The following CLCA2 variants were observed in gnomAD, a reference collection of about 807,000 sequenced individuals.
The protein encoded by CLCA2 is calcium-activated chloride channel regulator 2.
A neutral mutation model predicts 82.9 loss-of-function variants in CLCA2; 85 were observed. The ratio of observed to expected loss-of-function variants is 1.03; its 90% CI spans 0.86 to 1.23. CLCA2 has a LOEUF of 1.23. Ranked by LOEUF, CLCA2 falls within the 50% of genes most tolerant of loss-of-function variation. CLCA2 has a pLI of 0.00. For missense variants in CLCA2, 1,089 were observed against 1,124.8 expected, an observed-to-expected ratio of 0.97 and a Z score of 0.45; for synonymous variants, 421 against 391.7, an observed-to-expected ratio of 1.07 and a Z score of -0.88.
chr1:86,436,028 G>A (rs1448880804), intron 6 of CLCA2, among the ~76,000 whole-genome samples: 9 of 152,088 alleles, frequency 5.9e-5, no homozygotes, highest in Non-Finnish European at 8.8e-5. Flanking sequence ...ATATAGCAAT[G>A]CTCATTTGTC....
At chr1:86,444,405 G>C (rs190844166) in intron 10 of CLCA2, among the ~76,000 whole-genome samples, 2 of 152,126 alleles carry the variant, frequency 1.3e-5, no homozygotes, top group African/African-American at 4.8e-5. Context: ...GGTGTGCTGG[G>C]TTTTGTTCCA....
intron 11 of CLCA2, 114 bp downstream of exon 11, chr1:86,447,892 A>G: frequency 9.3e-7 from 1 of 1,072,386 alleles, no homozygotes. Context: ...TTTTTTTTTA[A>G]TCTTACAATA....
intron 5 of CLCA2, among the ~76,000 whole-genome samples, chr1:86,433,874 T>C (rs1662547713): frequency 6.6e-6 from 1 of 152,196 alleles, no homozygotes; most frequent in South Asian, 2.1e-4. Flanking sequence ...CCACTGGGAA[T>C]AGATGGTGAT....
rs757770783 is a variant in CLCA2, at chr1:86,430,855, T to G, written c.476-7T>G. 1.4e-5 allele frequency: 22 copies of G among 1,611,294 alleles called. No individual in the cohort carries two copies. Among genetic ancestry groups the G allele is most frequent in the Non-Finnish European group, 1.9e-5 (22 of 1,178,638 alleles). ...AAGCTCAAAAGCAAAAGTTCTTTCTTCCGCAGGCCGAGTGTTTGTCCATGA... is the reference window on the plus strand; with the variant it reads ...AAGCTCAAAAGCAAAAGTTCTTTCTGCCGCAGGCCGAGTGTTTGTCCATGA... On this transcript the variant is annotated splice_polypyrimidine_tract_variant and splice_region_variant and intron_variant, in intron 3 of 13. Coordinates refer to ENST00000370565, the MANE Select transcript of CLCA2 (RefSeq NM_006536.7).
chr1:86,446,354 T>C (rs1469014965), intron 10 of CLCA2, among the ~76,000 whole-genome samples: 1 of 152,034 alleles, frequency 6.6e-6, no homozygotes, highest in Admixed American at 6.6e-5. Context: ...CTGCTCCTAT[T>C]GAACTTTTCT....
chr1:86,426,805 A>C (rs546219220), intron 2 of CLCA2, among the ~76,000 whole-genome samples: 2 of 152,258 alleles, frequency 1.3e-5, no homozygotes, highest in East Asian at 3.9e-4. Context: ...AGCTGTCAAT[A>C]GAGATTTAAT....
intron 2 of CLCA2, among the ~76,000 whole-genome samples, chr1:86,427,087 C>A (rs1222493317): frequency 1.3e-5 from 2 of 152,064 alleles, no homozygotes; most frequent in African/African-American, 4.8e-5. Context: ...CTTCAGAGAA[C>A]CCAAGGACCA....
chr1:86,437,716 C>T (rs901931326), intron 6 of CLCA2, among the ~76,000 whole-genome samples: 1 of 151,954 alleles, frequency 6.6e-6, no homozygotes, highest in Non-Finnish European at 1.5e-5. Flanking sequence ...GTTGATGGGA[C>T]CTGTTCAAGA....
Position 86,434,500 on chromosome 1 carries a change from G to A in CLCA2, c.745-18G>A. ...GGGAGAAGTGCCTCTCTTTATTAAA[G>A]ACTGTTTTTATTTCCAGGTGGTTGA... On this transcript the variant is annotated intron_variant, in intron 5 of 13. Transcript: ENST00000370565. The A allele has an allele frequency of 3.1e-6, 5 of 1,603,870 alleles. No homozygotes were observed. The highest frequency in any genetic ancestry group is 4.3e-6 in the Non-Finnish European group (5 of 1,170,988).
At position 86,449,057 on chromosome 1, in the gene CLCA2, T is replaced by C. The variant is rs139708698; in HGVS notation, c.1984+1279T>C. Among the ~76,000 whole-genome samples the C allele has an allele frequency of 4.2e-3, 642 of 152,330 alleles. 3 individuals carry two copies. The highest frequency in any genetic ancestry group is 0.014 in the African/African-American group (593 of 41,580). ...CACTAAAAAAAGGAACAATAAAAAA[T>C]ACTGCTCAGGCATCAAAATGTAAAT... On this transcript the variant is annotated intron_variant, in intron 11 of 13. Coordinates refer to ENST00000370565, the MANE Select transcript of CLCA2 (RefSeq NM_006536.7).
At chr1:86,440,447 C>A in intron 8 of CLCA2, 122 bp downstream of exon 8, 1 of 918,562 alleles carries the variant, frequency 1.1e-6, no homozygotes, top group Non-Finnish European at 1.6e-6. Flanking sequence ...TTAAAAAACG[C>A]ACACACATAT....
chr1:86,427,547 TACACACAC>T (rs146595899), intron 2 of CLCA2, among the ~76,000 whole-genome samples: 9 of 148,216 alleles, frequency 6.1e-5, no homozygotes, highest in African/African-American at 1.5e-4. Context: ...CACACATACA[TACACACAC>T]ACACACACAC....
At position 86,455,156 on chromosome 1, in the gene CLCA2, G is replaced by C. The variant is rs1430827984; in HGVS notation, c.2461G>C (p.Val821Leu). The change falls in exon 14 of 14, where the codon GTA becomes CTA. Residue 821 changes from valine to leucine, a missense_variant. Val to Leu is a conservative substitution (Grantham distance 32). Coordinates refer to ENST00000370565, the MANE Select transcript of CLCA2 (RefSeq NM_006536.7). The part of the protein sequence containing the change: ...IQDDFNNAIL[V>L]NTSKRNPQQA... ...AGATGACTTTAACAATGCTATTTTA[G>C]TAAATACATCAAAGCGAAATCCTCA... 10 of 1,612,062 alleles carry C rather than the reference G, an allele frequency of 6.2e-6. No individual in the cohort carries two copies. Among genetic ancestry groups the C allele is most frequent in the Non-Finnish European group, 8.5e-6 (10 of 1,178,606 alleles).
At chr1:86,452,004 T>C (rs1464167782) in intron 12 of CLCA2, among the ~76,000 whole-genome samples, 1 of 152,066 alleles carries the variant, frequency 6.6e-6, no homozygotes, top group Non-Finnish European at 1.5e-5. Context: ...ACTTTAAAAT[T>C]ATTAAATTTA....
At chr1:86,443,017 G>A (rs1275311133) in intron 9 of CLCA2, among the ~76,000 whole-genome samples, 1 of 150,808 alleles carries the variant, frequency 6.6e-6, no homozygotes, top group Non-Finnish European at 1.5e-5. Context: ...GGCTTATTGT[G>A]AATGGCTAAA....
chr1:86,450,650 T>C lies in CLCA2; in HGVS notation c.2072T>C (p.Val691Ala). ...GGTAGATATAGCTTGAAAGTGCATG[T>C]CAATCACTCTCCCAGCATAAGCACC... ...ANGRYSLKVH[V>A]NHSPSISTPA... Residue 691 changes from valine to alanine, a missense_variant, in exon 12 of 14, where the codon GTC becomes GCC. Transcript: ENST00000370565. 1 of 1,613,656 alleles carries C rather than the reference T, an allele frequency of 6.2e-7. No homozygotes were observed. Among genetic ancestry groups the C allele is most frequent in the Non-Finnish European group, 8.5e-7 (1 of 1,179,710 alleles).
chr1:86,424,307 T>C lies in CLCA2; in HGVS notation c.60T>C (p.Val20=), dbSNP rs377412206. 4 of 1,613,958 alleles carry C rather than the reference T, an allele frequency of 2.5e-6. No individual in the cohort carries two copies. Among genetic ancestry groups the C allele is most frequent in the Non-Finnish European group, 2.5e-6 (3 of 1,179,924 alleles). The change falls in exon 1 of 14, where the codon GTT becomes GTC. Residue 20 remains valine (V), a synonymous_variant. Coordinates refer to ENST00000370565, the MANE Select transcript of CLCA2 (RefSeq NM_006536.7). The part of the protein sequence containing the change: ...ICNLKFVTLL[V]ALSSELPFLG... ...ACCTGAAGTTTGTGACTCTCCTGGTTGCCTTAAGTTCAGAACTCCCATTCC... is the reference window on the plus strand; with the variant it reads ...ACCTGAAGTTTGTGACTCTCCTGGTCGCCTTAAGTTCAGAACTCCCATTCC...
At chr1:86,441,805 G>C (rs1662742511) in intron 9 of CLCA2, among the ~76,000 whole-genome samples, 1 of 152,194 alleles carries the variant, frequency 6.6e-6, no homozygotes, top group Non-Finnish European at 1.5e-5. Context: ...GTGCAGATGG[G>C]GGTGTGGCAG....
intron 12 of CLCA2, among the ~76,000 whole-genome samples, chr1:86,451,005 T>G (rs1481548875): frequency 6.6e-6 from 1 of 152,212 alleles, no homozygotes; most frequent in Non-Finnish European, 1.5e-5. Flanking sequence ...TCAGAATTAC[T>G]AATAGATAAA....
Sources: gnomAD v4.1 joint callset for allele counts (sites outside exome capture counted in the v4.1 genomes callset) on GRCh38, gnomAD v4.1.1 for gene constraint, MANE v1.5 for transcripts, NCBI Gene and HGNC (gene_info 2026-07-23, HGNC 2026-07-21) for gene names.